The following COL6A6 variants were observed in gnomAD, a reference collection of about 807,000 sequenced individuals.
The protein encoded by COL6A6 is collagen alpha-6(VI) chain.
Under a neutral mutation model 208.6 loss-of-function variants are expected in COL6A6, and 183 were observed. The ratio of observed to expected loss-of-function variants is 0.88; its 90% CI spans 0.78 to 0.99. The LOEUF is 0.99. Among genes scored for constraint, COL6A6 ranks in the 50% least tolerant of loss-of-function variants. The pLI is 0.00. For synonymous variants in COL6A6, 973 were observed against 1,011.8 expected, an observed-to-expected ratio of 0.96 and a Z score of 0.73; for missense variants, 2,816 against 2,815.2, an observed-to-expected ratio of 1.00 and a Z score of -0.01.
intron 23 of COL6A6, among the ~76,000 whole-genome samples, chr3:130,620,116 TTTG>T: frequency 6.6e-6 from 1 of 150,564 alleles, no homozygotes; most frequent in East Asian, 1.9e-4. Flanking sequence ...TGAGTTTTGT[TTTG>T]TTTTTTTTTG....
chr3:130,590,260 T>A (rs2063644030), intron 12 of COL6A6, among the ~76,000 whole-genome samples: 1 of 12,076 alleles, frequency 8.3e-5, no homozygotes, highest in Admixed American at 7.8e-4. Context: ...TTTTCATATA[T>A]ATATATATAT....
At chr3:130,626,422 A>G (rs2064887046) in intron 24 of COL6A6, 63 bp from the exon 25 acceptor site, 2 of 1,141,144 alleles carry the variant, frequency 1.8e-6, no homozygotes, top group Non-Finnish European at 2.7e-6. Context: ...ATCCACACAG[A>G]TGAGCTGAAT....
intron 1 of COL6A6, among the ~76,000 whole-genome samples, chr3:130,520,024 G>T (rs1710973194): frequency 1.3e-5 from 2 of 152,142 alleles, no homozygotes; most frequent in Non-Finnish European, 2.9e-5. Context: ...TGTCACTCTG[G>T]CATGCTGCTA....
rs1051998560 is a variant in COL6A6, at chr3:130,534,923, G to A, written c.-32+17526G>A. On this transcript the variant is annotated intron_variant, in intron 1 of 36. Transcript: ENST00000358511. The stretch of plus-strand genomic sequence containing the variant: ...TGAGTATTGGGTTTTTTCCTACTAT[G>A]TTATAGTAGCATTTATATTAGTCTG... Among the ~76,000 whole-genome samples, 5 of 150,484 alleles carry A rather than the reference G, an allele frequency of 3.3e-5. No individual in the cohort carries two copies. The East Asian group carries it at 9.7e-4, about 29-fold the overall frequency.
At position 130,635,754 on chromosome 3, in the gene COL6A6, G is replaced by A. The variant is rs1559771356; in HGVS notation, c.5084G>A (p.Gly1695Asp). The A allele has an allele frequency of 4.3e-6, 7 of 1,611,338 alleles. No individual in the cohort carries two copies. In the South Asian group the frequency reaches 5.5e-5, roughly 13 times the overall value. ...PGETGLKGAR[G>D]KMISAGLPGE... ...GAGACTGGGCTGAAGGGAGCTAGAG[G>A]CAAAATGGTAAGCTTCTTAGATTCC... is the stretch of plus-strand genomic sequence containing the variant. Residue 1695 changes from glycine (G) to aspartate (D), a missense_variant, in exon 28 of 37, where the codon GGC becomes GAC. Physicochemically the swap from Gly to Asp is moderately conservative, Grantham distance 94. Transcript: ENST00000358511.
At chr3:130,601,449 C>T (rs1218954428) in intron 20 of COL6A6, among the ~76,000 whole-genome samples, 5 of 152,082 alleles carry the variant, frequency 3.3e-5, no homozygotes, top group Non-Finnish European at 5.9e-5. Flanking sequence ...GCAGTTTCAA[C>T]GCTTATAAAG....
intron 27 of COL6A6, among the ~76,000 whole-genome samples, 155 bp from the exon 28 acceptor site, chr3:130,635,544 C>G (rs2065086755): frequency 6.6e-6 from 1 of 152,134 alleles, no homozygotes; most frequent in Non-Finnish European, 1.5e-5. Flanking sequence ...GAGAGTTACA[C>G]AAATGGAAAC....
At chr3:130,593,675 G>A (rs1335846588) in intron 17 of COL6A6, among the ~76,000 whole-genome samples, 1 of 152,190 alleles carries the variant, frequency 6.6e-6, no homozygotes, top group Non-Finnish European at 1.5e-5. Flanking sequence ...CAAACTCAGA[G>A]GAAGGGAATC....
At chr3:130,550,035 C>T (rs2062607802) in intron 1 of COL6A6, among the ~76,000 whole-genome samples, 1 of 152,110 alleles carries the variant, frequency 6.6e-6, no homozygotes, top group African/African-American at 2.4e-5. Flanking sequence ...TTTCACCTCC[C>T]TGATGAGATG....
chr3:130,659,639 T>C (rs1297777758), intron 34 of COL6A6, among the ~76,000 whole-genome samples: 1 of 152,212 alleles, frequency 6.6e-6, no homozygotes, highest in Non-Finnish European at 1.5e-5. Context: ...GAGATAGTAA[T>C]TTGCTCAGGG....
intron 1 of COL6A6, among the ~76,000 whole-genome samples, chr3:130,539,210 GC>G (rs1238684244): frequency 6.6e-6 from 1 of 152,218 alleles, no homozygotes; most frequent in Non-Finnish European, 1.5e-5. Context: ...AGAAAATATA[GC>G]CCCCTGCTGG....
intron 1 of COL6A6, among the ~76,000 whole-genome samples, chr3:130,524,650 GTTTAT>G (rs1356864814): frequency 2.6e-5 from 4 of 152,136 alleles, no homozygotes; most frequent in South Asian, 2.1e-4. Context: ...TTATTTATCT[GTTTAT>G]TTTATTTCTC....
rs768320087 is a variant in COL6A6 at position 130,675,186 on chromosome 3, C to T, written c.6597-16C>T. The T allele has an allele frequency of 1.3e-6, 2 of 1,483,604 alleles. No homozygotes were observed. Among genetic ancestry groups the T allele is most frequent in the African/African-American group, 2.8e-5 (2 of 71,272 alleles). 91.9% of individuals were successfully genotyped at this position (1,483,604 alleles called of 1,614,324 possible). A position where few individuals can be genotyped will look rare whatever the true frequency, so the allele number is the denominator to read the frequency against. On this transcript the variant is annotated splice_polypyrimidine_tract_variant and intron_variant, in intron 36 of 36. Transcript: ENST00000358511. The stretch of plus-strand genomic sequence containing the variant: ...AATGGCATTTATCTTCTATGATGTT[C>T]TCTTTTGTTGTATAGCTTTGTTCCT...
chr3:130,521,202 G>A (rs1711051122), intron 1 of COL6A6, among the ~76,000 whole-genome samples: 2 of 152,166 alleles, frequency 1.3e-5, no homozygotes, highest in Non-Finnish European at 2.9e-5. Context: ...AGTTGGCAAA[G>A]GCATTTGTGT....
At position 130,587,877 on chromosome 3, in the gene COL6A6, C is replaced by T. The variant is rs75810833; in HGVS notation, c.4126-1213C>T. 4.7e-3 allele frequency among the ~76,000 whole-genome samples: 721 copies of T among 152,102 alleles called. 4 individuals are homozygous for T. Among genetic ancestry groups the T allele is most frequent in the Non-Finnish European group, 8.4e-3 (573 of 67,962 alleles). ...GTTTTTACAAAATGTGTCTTTTTTT[C>T]CTGTCGACTACTGTTTGAAATCTCT... On this transcript the variant is annotated intron_variant, in intron 11 of 36. Coordinates refer to ENST00000358511, the MANE Select transcript of COL6A6 (RefSeq NM_001102608.3).
Position 130,568,048 on chromosome 3 carries a change from T to A in COL6A6, c.1845T>A (p.Ala615=), listed in dbSNP as rs1043092598. Residue 615 remains alanine, a splice_region_variant and synonymous_variant, in exon 6 of 37, where the codon GCT becomes GCA. Transcript: ENST00000358511. ...AACATCACAGTTTTTCCTATGCAGC[T>A]TGCAAAGAGATGAAAGCTGACATCA... The part of the protein sequence containing the change: ...QVVQEICTEE[A]CKEMKADIMF... The A allele has an allele frequency of 3.7e-6, 6 of 1,602,094 alleles. No individual in the cohort carries two copies. Among genetic ancestry groups the A allele is most frequent in the Non-Finnish European group, 5.1e-6 (6 of 1,174,184 alleles).
intron 1 of COL6A6, among the ~76,000 whole-genome samples, chr3:130,555,107 C>T (rs946783035): frequency 3.3e-5 from 5 of 152,280 alleles, no homozygotes; most frequent in Non-Finnish European, 5.9e-5. Context: ...ATTCTGGCCA[C>T]GCTCCACTGC....
rs1472898763 is a variant in COL6A6, at chr3:130,531,009, C to A, written c.-32+13612C>A. ...CTCTCTTTCTCTCCTCTCCACCCCC[C>A]TCCTCTACACACACACACACACACA... On this transcript the variant is annotated intron_variant, in intron 1 of 36. Coordinates refer to ENST00000358511, the MANE Select transcript of COL6A6 (RefSeq NM_001102608.3). 2.1e-5 allele frequency among the ~76,000 whole-genome samples: 3 copies of A among 140,566 alleles called. No individual in the cohort carries two copies. The East Asian group carries it at 6.1e-4, about 29-fold the overall frequency. The allele number at this position is 140,566 out of a possible 152,430, so 92.2% of individuals were successfully genotyped here. A position where few individuals can be genotyped will look rare whatever the true frequency, so the allele number is the denominator to read the frequency against.
At chr3:130,657,198 C>G (rs994704175) in intron 33 of COL6A6, among the ~76,000 whole-genome samples, 1 of 152,238 alleles carries the variant, frequency 6.6e-6, no homozygotes, top group African/African-American at 2.4e-5. Context: ...CCACCTGTTC[C>G]CAGCTCCCAG....
Sources: allele counts gnomAD v4.1 joint callset (sites outside exome capture counted in the v4.1 genomes callset), GRCh38; gene constraint gnomAD v4.1.1; transcripts MANE v1.5; gene names NCBI Gene and HGNC (gene_info 2026-07-23, HGNC 2026-07-21).